ANKRD13C: variants seen among roughly 807,000 people sequenced by gnomAD.
ANKRD13C encodes the protein ankyrin repeat domain 13C.
In ANKRD13C, 16 loss-of-function variants were observed where a neutral mutation model predicts 65.5. That is an observed-to-expected ratio of 0.24 (90% CI 0.17 to 0.37). The LOEUF (loss-of-function observed/expected upper bound fraction) is 0.37, where lower values mean the gene tolerates loss of function less well. Among genes scored for constraint, ANKRD13C ranks in the 10% least tolerant of loss-of-function variants. ANKRD13C has a pLI of 1.00. For synonymous variants in ANKRD13C, 235 were observed against 238.7 expected (o/e 0.98, Z 0.14); for missense variants, 503 against 655.9 (o/e 0.77, Z 2.55).
At chr1:70,277,456 C>CA (rs199589444) in intron 9 of ANKRD13C, among the ~76,000 whole-genome samples, 3,825 of 59,264 alleles carry the variant, frequency 0.065, 165 homozygotes, top group African/African-American at 0.18. Flanking sequence ...GACTCCACCT[C>CA]AAAAAAAAAA....
intron 1 of ANKRD13C, among the ~76,000 whole-genome samples, chr1:70,345,327 G>A (rs570654156): frequency 1.3e-5 from 2 of 152,148 alleles, no homozygotes; most frequent in South Asian, 2.1e-4. Context: ...TACTCGGGAG[G>A]CTGAAGCAGG....
At chr1:70,331,843 A>C (rs921927680) in intron 2 of ANKRD13C, among the ~76,000 whole-genome samples, 1 of 149,900 alleles carries the variant, frequency 6.7e-6, no homozygotes, top group Non-Finnish European at 1.5e-5. Context: ...AAAAAAAAAA[A>C]GGAACACTAA....
rs1678393705 is a variant in ANKRD13C, at chr1:70,261,648, G to A, written c.*1069C>T. The stretch of plus-strand genomic sequence containing the variant: ...AAATAATAGGAGTAATCAATCTTGT[G>A]TATACTTCTGGACTTTAACTTGTAA... On this transcript the variant is annotated 3_prime_UTR_variant, in exon 13 of 13. Coordinates refer to ENST00000370944, the MANE Select transcript of ANKRD13C (RefSeq NM_030816.5). The A allele has an allele frequency of 6.6e-6, 1 of 152,376 alleles. No individual in the cohort carries two copies. The highest frequency in any genetic ancestry group is 6.6e-5 in the Admixed American group (1 of 15,260). 9.4% of individuals were successfully genotyped at this position (152,376 alleles called of 1,614,324 possible). A position where few individuals can be genotyped will look rare whatever the true frequency, so the allele number is the denominator to read the frequency against.
chr1:70,342,437 C>T (rs1386935805), intron 1 of ANKRD13C, among the ~76,000 whole-genome samples: 2 of 152,116 alleles, frequency 1.3e-5, no homozygotes, highest in African/African-American at 4.8e-5. Flanking sequence ...ACTCAGGAGG[C>T]TGAGGCAGGA....
At chr1:70,311,142 G>A (rs1558291771) in intron 5 of ANKRD13C, among the ~76,000 whole-genome samples, 2 of 152,200 alleles carry the variant, frequency 1.3e-5, no homozygotes, top group Non-Finnish European at 2.9e-5. Context: ...TTATGTAGCT[G>A]TTAAAATTAG....
At chr1:70,318,690 T>G (rs887589901) in intron 3 of ANKRD13C, among the ~76,000 whole-genome samples, 22 of 146,758 alleles carry the variant, frequency 1.5e-4, no homozygotes, top group Admixed American at 4.1e-4. Flanking sequence ...TTTTTTTTTT[T>G]TTTTTTTTTT....
rs1553249282 is a variant in ANKRD13C, at chr1:70,318,689, T to TTTG, written c.578-3124_578-3123insCAA. Among the ~76,000 whole-genome samples the TTTG allele has an allele frequency of 2.3e-4, 33 of 146,638 alleles. 1 individual carries two copies. Among genetic ancestry groups the TTTG allele is most frequent in the African/African-American group, 7.6e-4 (30 of 39,628 alleles). ...GTTAAATCAATCTTTGTTTTTTTTT[T>TTTG]TTTTTTTTTTTTGAGACGGAGTCTC... On this transcript the variant is annotated intron_variant, in intron 3 of 12. Transcript: ENST00000370944.
Position 70,300,751 on chromosome 1 carries a change from A to C in ANKRD13C, c.921+13T>G. On this transcript the variant is annotated intron_variant, in intron 7 of 12. Coordinates refer to ENST00000370944, the MANE Select transcript of ANKRD13C (RefSeq NM_030816.5). The stretch of plus-strand genomic sequence containing the variant: ...AATGATTTAAAGGAATATTGATAAG[A>C]CAACATGCTCACCTCATGATGTATT... 1.9e-6 allele frequency: 3 copies of C among 1,580,734 alleles called. No individual in the cohort carries two copies. Among genetic ancestry groups the C allele is most frequent in the Non-Finnish European group, 2.6e-6 (3 of 1,166,544 alleles).
intron 9 of ANKRD13C, among the ~76,000 whole-genome samples, chr1:70,277,352 G>C (rs944732761): frequency 6.6e-6 from 1 of 152,056 alleles, no homozygotes; most frequent in Non-Finnish European, 1.5e-5. Flanking sequence ...CAGCTACTCA[G>C]GAGGCTGAGG....
intron 3 of ANKRD13C, among the ~76,000 whole-genome samples, chr1:70,320,917 G>A (rs759531740): frequency 1.3e-4 from 20 of 151,776 alleles, no homozygotes; most frequent in African/African-American, 2.4e-4. Flanking sequence ...AGGCTCCCGC[G>A]TAGCTGGGAC....
rs58715407 is a variant in ANKRD13C at position 70,337,146 on chromosome 1, AACACAC to A, written c.431-1053_431-1048del. On this transcript the variant is annotated intron_variant, in intron 1 of 12. Transcript: ENST00000370944. ...TTGACAAGAGATCGGCCATGATTCA[AACACAC>A]ACACACACACACACACACACACACA... 1.7e-3 allele frequency among the ~76,000 whole-genome samples: 243 copies of A among 145,426 alleles called. 1 individual carries two copies. Among genetic ancestry groups the A allele is most frequent in the African/African-American group, 4.2e-3 (164 of 39,498 alleles).
intron 1 of ANKRD13C, among the ~76,000 whole-genome samples, chr1:70,349,340 C>T (rs1682652752): frequency 6.6e-6 from 1 of 152,016 alleles, no homozygotes; most frequent in Non-Finnish European, 1.5e-5. Context: ...AATATTTCTT[C>T]CCCACCCAAA....
intron 9 of ANKRD13C, among the ~76,000 whole-genome samples, chr1:70,277,361 G>A (rs1384860848): frequency 1.3e-5 from 2 of 152,066 alleles, no homozygotes; most frequent in Non-Finnish European, 2.9e-5. Context: ...AGGAGGCTGA[G>A]GCAGAGAATT....
At chr1:70,283,626 C>A (rs1040483319) in intron 9 of ANKRD13C, among the ~76,000 whole-genome samples, 20 of 151,802 alleles carry the variant, frequency 1.3e-4, no homozygotes, top group African/African-American at 4.4e-4. Context: ...ACCAGCCTGA[C>A]CAACATGATG....
chr1:70,287,958 G>T (rs913097436), intron 9 of ANKRD13C, among the ~76,000 whole-genome samples: 3 of 152,222 alleles, frequency 2.0e-5, no homozygotes, highest in South Asian at 2.1e-4. Context: ...GGTCAAGGCT[G>T]CAGTGAACCA....
chr1:70,354,568 G>C lies in ANKRD13C; in HGVS notation c.-160C>G, dbSNP rs1682916941. 1.4e-6 allele frequency: 2 copies of C among 1,425,972 alleles called. No homozygotes were observed. The highest frequency in any genetic ancestry group is 1.8e-6 in the Non-Finnish European group (2 of 1,091,758). The allele number at this position is 1,425,972 out of a possible 1,614,324, so 88.3% of individuals were successfully genotyped here. A position where few individuals can be genotyped will look rare whatever the true frequency, so the allele number is the denominator to read the frequency against. On this transcript the variant is annotated 5_prime_UTR_variant, in exon 1 of 13. Coordinates refer to ENST00000370944, the MANE Select transcript of ANKRD13C (RefSeq NM_030816.5). ...GCCTGGGACAAACGCATCTCCCGGG[G>C]AAGAGCCGGCTCTCGCCTAGGCACG... is the stretch of plus-strand genomic sequence containing the variant.
chr1:70,265,572 A>G (rs1257232675), intron 12 of ANKRD13C, among the ~76,000 whole-genome samples: 1 of 152,094 alleles, frequency 6.6e-6, no homozygotes, highest in Non-Finnish European at 1.5e-5. Context: ...CTGTAATCCC[A>G]GTACTTTGGG....
chr1:70,262,634 G>C lies in ANKRD13C; in HGVS notation c.*83C>G. On this transcript the variant is annotated 3_prime_UTR_variant, in exon 13 of 13. Transcript: ENST00000370944. ...TGTAATTCCCTTTTCTTCACTGAAA[G>C]CATTTGTCCCTTCTATTTGGATCCA... 7.2e-7 allele frequency: 1 copy of C among 1,390,552 alleles called. No homozygotes were observed. Among genetic ancestry groups the C allele is most frequent in the Non-Finnish European group, 9.6e-7 (1 of 1,038,292 alleles). 86.1% of individuals were successfully genotyped at this position (1,390,552 alleles called of 1,614,324 possible). A position where few individuals can be genotyped will look rare whatever the true frequency, so the allele number is the denominator to read the frequency against.
At chr1:70,306,136 A>C (rs1680578890) in intron 6 of ANKRD13C, 88 bp downstream of exon 6, 2 of 863,240 alleles carry the variant, frequency 2.3e-6, no homozygotes, top group Admixed American at 2.7e-5. Context: ...TAACGTCATA[A>C]AACACATGTA....
Sources: gnomAD v4.1 joint callset for allele counts (sites outside exome capture counted in the v4.1 genomes callset) on GRCh38, gnomAD v4.1.1 for gene constraint, MANE v1.5 for transcripts, NCBI Gene and HGNC (gene_info 2026-07-23, HGNC 2026-07-21) for gene names.